MARCHF11: variants seen among roughly 807,000 people sequenced by gnomAD.
MARCHF11 encodes membrane associated ring-CH-type finger 11, also known as E3 ubiquitin-protein ligase MARCHF11.
Under a neutral mutation model 37.3 loss-of-function variants are expected in MARCHF11, and 29 were observed. The ratio of observed to expected loss-of-function variants is 0.78; its 90% confidence interval spans 0.58 to 1.06. The LOEUF (loss-of-function observed/expected upper bound fraction) is 1.06. MARCHF11 is among the 50% of genes least tolerant of loss of function. MARCHF11 has a pLI of 0.00. For synonymous variants in MARCHF11, 233 were observed against 228.0 expected (o/e 1.02, Z -0.20); for missense variants, 482 against 533.4 (o/e 0.90, Z 0.95).
At chr5:16,099,588 A>G (rs75248706) in intron 2 of MARCHF11, among the ~76,000 whole-genome samples, 1 of 152,166 alleles carries the variant, frequency 6.6e-6, no homozygotes, top group Non-Finnish European at 1.5e-5. Context: ...GAAAAAAAAA[A>G]GCTTCTTGTT....
intron 2 of MARCHF11, among the ~76,000 whole-genome samples, chr5:16,119,773 T>C (rs776475335): frequency 5.3e-5 from 8 of 152,168 alleles, no homozygotes; most frequent in Non-Finnish European, 1.0e-4. Context: ...CCTCAAATTA[T>C]TCCTCTAAGG....
intron 2 of MARCHF11, among the ~76,000 whole-genome samples, chr5:16,118,256 G>C (rs1029692483): frequency 4.6e-5 from 7 of 152,238 alleles, no homozygotes; most frequent in Non-Finnish European, 1.0e-4. Context: ...AAAGGGATTT[G>C]AAGTTTTCTT....
At chr5:16,086,231 T>C (rs965534003) in intron 3 of MARCHF11, among the ~76,000 whole-genome samples, 2 of 152,124 alleles carry the variant, frequency 1.3e-5, no homozygotes, top group Non-Finnish European at 2.9e-5. Context: ...ATAAATAAAA[T>C]GCGGAAGTAT....
At chr5:16,074,676 T>C (rs1736488770) in intron 3 of MARCHF11, among the ~76,000 whole-genome samples, 1 of 152,048 alleles carries the variant, frequency 6.6e-6, no homozygotes, top group Non-Finnish European at 1.5e-5. Flanking sequence ...ACTGATAAAA[T>C]AAAATCCTCC....
chr5:16,079,458 T>C (rs1037834224), intron 3 of MARCHF11, among the ~76,000 whole-genome samples: 1 of 152,212 alleles, frequency 6.6e-6, no homozygotes, highest in Non-Finnish European at 1.5e-5. Flanking sequence ...AAGGTTGGTC[T>C]TGCTGCTCTG....
At chr5:16,176,655 C>T (rs1272134232) in intron 2 of MARCHF11, among the ~76,000 whole-genome samples, 1 of 152,102 alleles carries the variant, frequency 6.6e-6, no homozygotes, top group African/African-American at 2.4e-5. Flanking sequence ...ATAAAGGATA[C>T]AAAAATTTTA....
At chr5:16,124,608 T>C (rs1285028232) in intron 2 of MARCHF11, among the ~76,000 whole-genome samples, 1 of 152,168 alleles carries the variant, frequency 6.6e-6, no homozygotes, top group Non-Finnish European at 1.5e-5. Context: ...GGGAAAGGGA[T>C]TGCTTAATAG....
intron 3 of MARCHF11, among the ~76,000 whole-genome samples, chr5:16,085,655 C>T (rs1401973693): frequency 6.6e-6 from 1 of 151,878 alleles, no homozygotes; most frequent in African/African-American, 2.4e-5. Context: ...TCAAAATTTA[C>T]ATAAGCTTAT....
chr5:16,093,226 G>C (rs142513855), intron 2 of MARCHF11, among the ~76,000 whole-genome samples: 1 of 152,092 alleles, frequency 6.6e-6, no homozygotes, highest in Admixed American at 6.5e-5. Flanking sequence ...GGTAACCAAA[G>C]GGGAGTAACA....
intron 2 of MARCHF11, among the ~76,000 whole-genome samples, chr5:16,151,844 A>C (rs2126598484): frequency 6.6e-6 from 1 of 151,736 alleles, no homozygotes; most frequent in East Asian, 1.9e-4. Flanking sequence ...AATGCAAATA[A>C]AATAATGAGT....
Position 16,091,048 on chromosome 5 carries a change from C to T in MARCHF11, c.727G>A (p.Val243Ile). The change falls in exon 3 of 4, where the codon GTT (valine) becomes ATT (isoleucine). Residue 243 changes from valine (V) to isoleucine (I), a missense_variant. Coordinates refer to ENST00000332432, the MANE Select transcript of MARCHF11 (RefSeq NM_001102562.3). ...QSISITLVEK[V>I]QMIAVILGSL... is the part of the protein sequence containing the mutation. ...CCTAGGATTACAGCAATCATCTGAA[C>T]TTTCTCAACCAGTGTTATAGAAATG... The T allele has an allele frequency of 6.2e-7, 1 of 1,601,764 alleles. No individual in the cohort carries two copies.
At chr5:16,108,108 G>A (rs1737075180) in intron 2 of MARCHF11, among the ~76,000 whole-genome samples, 1 of 152,228 alleles carries the variant, frequency 6.6e-6, no homozygotes. Context: ...AAACACTCAA[G>A]CCATTCGTGG....
intron 2 of MARCHF11, among the ~76,000 whole-genome samples, chr5:16,122,784 T>A (rs1737332963): frequency 6.6e-6 from 1 of 152,148 alleles, no homozygotes; most frequent in African/African-American, 2.4e-5. Flanking sequence ...TGGCCTCATT[T>A]CAGAGTGGAA....
At position 16,143,643 on chromosome 5, in the gene MARCHF11, T is replaced by C. The variant is rs572836936; in HGVS notation, c.693+34083A>G. On this transcript the variant is annotated intron_variant, in intron 2 of 3. Coordinates refer to ENST00000332432, the MANE Select transcript of MARCHF11 (RefSeq NM_001102562.3). ...GCCTGCATTCCAACTAACAAAGGCA[T>C]TTTTTCCTCAACTCTGATTCTGTCT... Among the ~76,000 whole-genome samples, 13 of 152,362 alleles carry C rather than the reference T, an allele frequency of 8.5e-5. No homozygotes were observed. In the South Asian group the frequency reaches 2.7e-3, roughly 32 times the overall value.
chr5:16,067,779 C>T lies in MARCHF11; in HGVS notation c.901G>A (p.Glu301Lys), dbSNP rs868357830. 6.2e-7 allele frequency: 1 copy of T among 1,610,226 alleles called. No individual in the cohort carries two copies. The highest frequency in any genetic ancestry group is 8.5e-7 in the Non-Finnish European group (1 of 1,177,682). The change falls in exon 4 of 4, where the codon GAA (glutamate) becomes AAA (lysine). Residue 301 changes from glutamate to lysine, a missense_variant. Coordinates refer to ENST00000332432, the MANE Select transcript of MARCHF11 (RefSeq NM_001102562.3). The stretch of plus-strand genomic sequence containing the variant: ...AACACTCTGTAAACTGCAGCTCCTT[C>T]ATGAACAATGAGACCTAAAATTTGA... ...DLVCIGLIVH[E>K]GAAVYRVFKR...
intron 3 of MARCHF11, among the ~76,000 whole-genome samples, chr5:16,088,580 G>A (rs10043145): frequency 2.0e-5 from 3 of 151,990 alleles, no homozygotes; most frequent in Non-Finnish European, 4.4e-5. Flanking sequence ...GGAGATCTTC[G>A]GGGCTGCAAT....
At chr5:16,116,365 C>T (rs950967451) in intron 2 of MARCHF11, among the ~76,000 whole-genome samples, 5 of 152,136 alleles carry the variant, frequency 3.3e-5, no homozygotes, top group East Asian at 3.9e-4. Context: ...CCTCCAATCC[C>T]ATGCTCTATC....
chr5:16,106,687 G>A (rs948252740), intron 2 of MARCHF11, among the ~76,000 whole-genome samples: 1 of 152,138 alleles, frequency 6.6e-6, no homozygotes, highest in Non-Finnish European at 1.5e-5. Flanking sequence ...TAATATCTGA[G>A]GATATTTTTT....
chr5:16,170,996 G>C (rs183128528), intron 2 of MARCHF11, among the ~76,000 whole-genome samples: 1 of 152,022 alleles, frequency 6.6e-6, no homozygotes, highest in Non-Finnish European at 1.5e-5. Flanking sequence ...TAACCAAAGC[G>C]ACTCCTCAGA....
Sources: gnomAD v4.1 joint callset for allele counts (sites outside exome capture counted in the v4.1 genomes callset) on GRCh38, gnomAD v4.1.1 for gene constraint, MANE v1.5 for transcripts, NCBI Gene and HGNC (gene_info 2026-07-23, HGNC 2026-07-21) for gene names.